The following NCAM1 variants were observed in gnomAD, a reference collection of about 807,000 sequenced individuals.
NCAM1 encodes neural cell adhesion molecule 1, also known as antigen recognized by monoclonal antibody 5.1H11.
Under a neutral mutation model 109.8 loss-of-function variants are expected in NCAM1, and 14 were observed. That is an observed-to-expected ratio of 0.13 (90% CI 0.08 to 0.20). NCAM1 has a LOEUF of 0.20. Ranked by LOEUF, NCAM1 falls within the 10% of genes least tolerant of loss-of-function variation. The pLI, the probability that NCAM1 is intolerant of heterozygous loss-of-function variation, is 1.00. For synonymous variants in NCAM1, 418 were observed against 442.9 expected, an observed-to-expected ratio of 0.94 and a Z score of 0.70; for missense variants, 774 against 1,109.9, an observed-to-expected ratio of 0.70 and a Z score of 4.30.
At chr11:113,168,296 G>GT (rs1555105606) in intron 1 of NCAM1, among the ~76,000 whole-genome samples, 6 of 152,200 alleles carry the variant, frequency 3.9e-5, no homozygotes, top group Admixed American at 1.3e-4. Context: ...TGTTTGTTTT[G>GT]TTTTTGTTTT....
chr11:113,132,789 A>C (rs1282093102), intron 1 of NCAM1: 1 of 152,302 alleles, frequency 6.6e-6, no homozygotes, highest in Admixed American at 6.6e-5. Context: ...AGGAATAGGA[A>C]GGACAGTTGG....
chr11:113,089,327 T>C (rs1203331998), intron 1 of NCAM1, among the ~76,000 whole-genome samples: 1 of 151,686 alleles, frequency 6.6e-6, no homozygotes, highest in Non-Finnish European at 1.5e-5. Context: ...ATAACAATAA[T>C]AATAAGTCTT....
intron 9 of NCAM1, among the ~76,000 whole-genome samples, chr11:113,230,229 T>C (rs1245082949): frequency 2.6e-5 from 4 of 152,200 alleles, no homozygotes; most frequent in Non-Finnish European, 4.4e-5. Context: ...CTCTCATTAA[T>C]GTGTGGCATC....
intron 1 of NCAM1, among the ~76,000 whole-genome samples, chr11:113,169,620 T>C (rs1942924864): frequency 1.5e-5 from 2 of 132,024 alleles, no homozygotes; most frequent in Admixed American, 1.8e-4. Context: ...TTTTCAGAGT[T>C]GGATGGGAGT....
chr11:113,080,599 A>G (rs139494146), intron 1 of NCAM1, among the ~76,000 whole-genome samples: 5 of 152,320 alleles, frequency 3.3e-5, no homozygotes, highest in African/African-American at 1.2e-4. Context: ...AGGAGTATTA[A>G]GTTAATTATT....
Position 113,214,410 on chromosome 11 carries a change from G to C in NCAM1, c.958G>C (p.Glu320Gln). 1 of 1,613,936 alleles carries C rather than the reference G, an allele frequency of 6.2e-7. No individual in the cohort carries two copies. Among genetic ancestry groups the C allele is most frequent in the Non-Finnish European group, 8.5e-7 (1 of 1,179,846 alleles). Reference sequence around the variant, plus strand: ...ATATGTAGAGAACCAGACTGCCATGGAATTAGAGGAGCAGGTCACTCTTAC... The same window carrying C: ...ATATGTAGAGAACCAGACTGCCATGCAATTAGAGGAGCAGGTCACTCTTAC... ...ITYVENQTAM[E>Q]LEEQVTLTCE... The change falls in exon 8 of 20, where the codon GAA becomes CAA. Residue 320 changes from glutamate to glutamine, a missense_variant. By Grantham distance (29) the Glu-to-Gln change is conservative (BLOSUM62 2). Transcript: ENST00000316851.
At chr11:113,272,526 G>A (rs1173046702) in intron 19 of NCAM1, among the ~76,000 whole-genome samples, 3 of 152,156 alleles carry the variant, frequency 2.0e-5, no homozygotes, top group African/African-American at 7.2e-5. Context: ...GCTGGGCCCA[G>A]TTCCTCTGGG....
intron 14 of NCAM1, among the ~76,000 whole-genome samples, chr11:113,239,090 A>G (rs1451530416): frequency 6.6e-6 from 1 of 152,146 alleles, no homozygotes; most frequent in Non-Finnish European, 1.5e-5. Flanking sequence ...AGCCACAAAC[A>G]CTTAATGGAC....
At chr11:112,961,765 T>G in intron 1 of NCAM1, 101 bp downstream of exon 1, 1 of 755,744 alleles carries the variant, frequency 1.3e-6, no homozygotes, top group Non-Finnish European at 2.2e-6. Flanking sequence ...TTACGTGGAC[T>G]GCTAAGGCTG....
At position 113,087,964 on chromosome 11, in the gene NCAM1, G is replaced by C. The variant is rs560647700; in HGVS notation, c.53-114415G>C. Among the ~76,000 whole-genome samples, 197 of 152,260 alleles carry C rather than the reference G, an allele frequency of 1.3e-3. 6 individuals are homozygous for C. Among genetic ancestry groups the C allele is most frequent in the South Asian group, 4.8e-3 (23 of 4,828 alleles). On this transcript the variant is annotated intron_variant, in intron 1 of 19. Coordinates refer to ENST00000316851, the MANE Select transcript of NCAM1 (RefSeq NM_181351.5). ...TCAGGCCAGTGCAGTGTTCTTTTCA[G>C]GTGTCATAGTGATTGCCTTCCAAAG...
At chr11:113,205,235 C>T (rs2136926253) in intron 3 of NCAM1, among the ~76,000 whole-genome samples, 1 of 152,316 alleles carries the variant, frequency 6.6e-6, no homozygotes, top group Middle Eastern at 3.4e-3. Flanking sequence ...CATCATCCTG[C>T]ATGACAAGGA....
chr11:113,239,855 A>G (rs1212037330), intron 14 of NCAM1, among the ~76,000 whole-genome samples: 4 of 152,236 alleles, frequency 2.6e-5, no homozygotes, highest in African/African-American at 9.6e-5. Flanking sequence ...AAGGTAAAGG[A>G]AGACAAAACC....
At chr11:113,246,347 G>A (rs1436242913) in intron 14 of NCAM1, 21 bp from the exon 15 acceptor site, 1 of 739,838 alleles carries the variant, frequency 1.4e-6, no homozygotes, top group Non-Finnish European at 2.5e-6. Flanking sequence ...TGCTGATGAT[G>A]TCGTCCACGC....
Position 113,235,023 on chromosome 11 carries a change from A to G in NCAM1, c.1694-10A>G. The G allele has an allele frequency of 1.3e-6, 2 of 1,545,508 alleles. No individual in the cohort carries two copies. Among genetic ancestry groups the G allele is most frequent in the Non-Finnish European group, 1.8e-6 (2 of 1,141,656 alleles). On this transcript the variant is annotated splice_polypyrimidine_tract_variant and intron_variant, in intron 13 of 19. Transcript: ENST00000316851. ...TAGACTCTTTTGTCATCCTTCCCAT[A>G]TTATAACAGCCAGCATGGAGGGCAT...
chr11:113,193,078 G>A (rs185719696), intron 1 of NCAM1, among the ~76,000 whole-genome samples: 4 of 152,276 alleles, frequency 2.6e-5, no homozygotes, highest in Admixed American at 2.6e-4. Flanking sequence ...TTTCACTCCT[G>A]GCCTGGAATC....
chr11:113,144,401 CA>C (rs1555101008), intron 1 of NCAM1, among the ~76,000 whole-genome samples: 1 of 152,182 alleles, frequency 6.6e-6, no homozygotes, highest in African/African-American at 2.4e-5. Flanking sequence ...TAAAGATTAG[CA>C]GTATTCCCCT....
At chr11:113,094,972 C>A (rs965754503) in intron 1 of NCAM1, among the ~76,000 whole-genome samples, 1 of 152,194 alleles carries the variant, frequency 6.6e-6, no homozygotes, top group African/African-American at 2.4e-5. Flanking sequence ...AAAATAGTAT[C>A]GGGTTTTGAA....
At chr11:113,255,791 C>A in intron 15 of NCAM1, 86 bp from the exon 16 acceptor site, 1 of 1,473,274 alleles carries the variant, frequency 6.8e-7, no homozygotes, top group Admixed American at 1.9e-5. Context: ...AGTGTCCAGC[C>A]CCACCCTGTC....
chr11:113,219,097 C>T (rs1944613721), intron 8 of NCAM1, among the ~76,000 whole-genome samples: 1 of 152,146 alleles, frequency 6.6e-6, no homozygotes, highest in South Asian at 2.1e-4. Context: ...AAATGACTGA[C>T]AAAGGCCTAT....
Sources: allele counts gnomAD v4.1 joint callset (sites outside exome capture counted in the v4.1 genomes callset), GRCh38; gene constraint gnomAD v4.1.1; transcripts MANE v1.5; gene names NCBI Gene and HGNC (gene_info 2026-07-23, HGNC 2026-07-21).